VPS35L: variants seen among roughly 807,000 people sequenced by gnomAD.
VPS35L encodes VPS35 endosomal protein sorting factor like, also known as VPS35 endosomal protein-sorting factor-like.
In VPS35L, 83 loss-of-function variants were observed where a neutral mutation model predicts 133.0. The observed-to-expected ratio is 0.62, with a 90% CI of 0.52 to 0.75. The LOEUF (loss-of-function observed/expected upper bound fraction) is 0.75, where lower values mean the gene tolerates loss of function less well. VPS35L is among the 30% of genes least tolerant of loss of function. The probability of loss-of-function intolerance (pLI) is 0.00; values close to 1 mark genes in which losing one functional copy is unlikely to be tolerated. For synonymous variants in VPS35L, 423 were observed against 449.9 expected (o/e 0.94, Z 0.76); for missense variants, 1,083 against 1,206.8 (o/e 0.90, Z 1.52).
rs1597442215 is a variant in VPS35L, at chr16:19,691,283, C to T, written c.2528-70C>T. 2.5e-5 allele frequency: 31 copies of T among 1,249,630 alleles called. No homozygotes were observed. In the East Asian group the frequency reaches 5.4e-4, roughly 22 times the overall value. The allele number at this position is 1,249,630 out of a possible 1,614,324, so 77.4% of individuals were successfully genotyped here. A position where few individuals can be genotyped will look rare whatever the true frequency, so the allele number is the denominator to read the frequency against. ...TGCTGACTCGGTGTGACATGACACACGGCTGCCTCTCCCTGGCCAGCATGG... is the reference window on the plus strand; with the variant it reads ...TGCTGACTCGGTGTGACATGACACATGGCTGCCTCTCCCTGGCCAGCATGG... On this transcript the variant is annotated intron_variant, in intron 28 of 30. Transcript: ENST00000417362.
At chr16:19,577,034 C>A (rs1971562154) in intron 5 of VPS35L, among the ~76,000 whole-genome samples, 1 of 152,024 alleles carries the variant, frequency 6.6e-6, no homozygotes, top group Non-Finnish European at 1.5e-5. Context: ...TGATCCCAGA[C>A]CATAAAAGGT....
At chr16:19,623,928 TGACTAGCTGG>T (rs1465551053) in intron 14 of VPS35L, among the ~76,000 whole-genome samples, 1 of 149,990 alleles carries the variant, frequency 6.7e-6, no homozygotes, top group African/African-American at 2.4e-5. Flanking sequence ...CTTAGCCTTC[TGACTAGCTGG>T]GACTATAAGC....
chr16:19,606,621 A>G (rs1972544926), intron 9 of VPS35L, among the ~76,000 whole-genome samples: 1 of 152,154 alleles, frequency 6.6e-6, no homozygotes, highest in African/African-American at 2.4e-5. Context: ...TGCTGATTCT[A>G]TGGGAATTTT....
intron 26 of VPS35L, chr16:19,652,375 GC>G: frequency 3.7e-6 from 1 of 270,978 alleles, no homozygotes; most frequent in South Asian, 4.3e-5. Flanking sequence ...TCGTTTTGTT[GC>G]CTGGGCCTGT....
chr16:19,562,245 A>G (rs1047127576), intron 1 of VPS35L, among the ~76,000 whole-genome samples: 3 of 152,194 alleles, frequency 2.0e-5, no homozygotes, highest in African/African-American at 7.2e-5. Flanking sequence ...GTGGGAATTT[A>G]TAGCCAAGTG....
At chr16:19,621,153 AT>A (rs1973067148) in intron 14 of VPS35L, among the ~76,000 whole-genome samples, 1 of 152,160 alleles carries the variant, frequency 6.6e-6, no homozygotes, top group South Asian at 2.1e-4. Context: ...AAAAGGCCAT[AT>A]TTAAATATCT....
chr16:19,565,060 ATT>A (rs35102175), intron 2 of VPS35L, 110 bp downstream of exon 2: 9,625 of 557,030 alleles, frequency 0.017, 25 homozygotes, highest in East Asian at 0.044. Flanking sequence ...TGCATATTTG[ATT>A]TTTTTTTTTT....
chr16:19,569,154 A>T, intron 2 of VPS35L: 2 of 627,372 alleles, frequency 3.2e-6, no homozygotes, highest in Non-Finnish European at 5.9e-6. Flanking sequence ...AGGGAACCCC[A>T]GGTGCTGTAG....
intron 3 of VPS35L, among the ~76,000 whole-genome samples, chr16:19,570,872 TATATA>T (rs1567388690): frequency 7.6e-5 from 7 of 92,396 alleles, no homozygotes; most frequent in African/African-American, 3.8e-4. Flanking sequence ...TATATATATA[TATATA>T]TATATATATA....
chr16:19,651,955 A>T, intron 25 of VPS35L, 21 bp from the exon 26 acceptor site: 1 of 1,531,254 alleles, frequency 6.5e-7, no homozygotes, highest in Non-Finnish European at 9.0e-7. Flanking sequence ...GCTAGCGTTA[A>T]TGTTTCTTCC....
chr16:19,668,632 C>T (rs1974774276), intron 26 of VPS35L, among the ~76,000 whole-genome samples: 1 of 140,220 alleles, frequency 7.1e-6, no homozygotes. Context: ...TGTGTTCCTT[C>T]AGACATTTTG....
At chr16:19,587,852 T>A (rs1971920968) in intron 7 of VPS35L, among the ~76,000 whole-genome samples, 1 of 144,648 alleles carries the variant, frequency 6.9e-6, no homozygotes, top group African/African-American at 2.6e-5. Context: ...AAGGCTGGAG[T>A]GCAGTGGCGT....
At position 19,560,794 on chromosome 16, in the gene VPS35L, TA is replaced by T. The variant is rs886766290; in HGVS notation, c.18-4045del. 6.7e-3 allele frequency among the ~76,000 whole-genome samples: 949 copies of T among 142,584 alleles called. 6 individuals are homozygous for T. Among genetic ancestry groups the T allele is most frequent in the Middle Eastern group, 0.014 (4 of 278 alleles). The allele number at this position is 142,584 out of a possible 152,430, so 93.5% of individuals were successfully genotyped here. On this transcript the variant is annotated intron_variant, in intron 1 of 30. Transcript: ENST00000417362. ...CTGGGGTACAAAGCAATACTCTGTC[TA>T]AAAAAAAAAAAGTGATTTGAAAAGA...
At chr16:19,562,629 A>C (rs1194241256) in intron 1 of VPS35L, among the ~76,000 whole-genome samples, 1 of 152,228 alleles carries the variant, frequency 6.6e-6, no homozygotes, top group Admixed American at 6.5e-5. Context: ...TGAGTTAAAA[A>C]AGATTTTAAA....
At chr16:19,653,978 G>T (rs953159702) in intron 26 of VPS35L, among the ~76,000 whole-genome samples, 1 of 152,018 alleles carries the variant, frequency 6.6e-6, no homozygotes, top group African/African-American at 2.4e-5. Flanking sequence ...GCTGGTGCCT[G>T]CCCACCTCCA....
At chr16:19,674,184 CTTTTTTTTT>C (rs201038834) in intron 27 of VPS35L, among the ~76,000 whole-genome samples, 2 of 70,906 alleles carry the variant, frequency 2.8e-5, no homozygotes, top group African/African-American at 6.3e-5. Flanking sequence ...TTTTCTTTTT[CTTTTTTTTT>C]TTTTTTTTTT....
chr16:19,618,259 GAAAAA>G (rs912081507), intron 14 of VPS35L, among the ~76,000 whole-genome samples: 10 of 150,758 alleles, frequency 6.6e-5, no homozygotes, highest in Non-Finnish European at 1.2e-4. Context: ...GTACAGAAAA[GAAAAA>G]AAAAGGACAT....
At chr16:19,632,468 G>A (rs1476416234) in intron 18 of VPS35L, among the ~76,000 whole-genome samples, 2 of 151,968 alleles carry the variant, frequency 1.3e-5, no homozygotes, top group Non-Finnish European at 2.9e-5. Context: ...TAATTTATTT[G>A]TTGAAGAAAT....
intron 4 of VPS35L, among the ~76,000 whole-genome samples, chr16:19,574,322 G>GC (rs1228079259): frequency 1.3e-5 from 2 of 152,102 alleles, no homozygotes; most frequent in Non-Finnish European, 2.9e-5. Flanking sequence ...AGAAAGATGC[G>GC]CCCCCTCCCA....
Sources: allele counts gnomAD v4.1 joint callset (sites outside exome capture counted in the v4.1 genomes callset), GRCh38; gene constraint gnomAD v4.1.1; transcripts MANE v1.5; gene names NCBI Gene and HGNC (gene_info 2026-07-23, HGNC 2026-07-21).